Variants in RARB observed in about 807,000 individuals in gnomAD.
RARB encodes the protein HBV-activated protein.
Under a neutral mutation model 51.9 loss-of-function variants are expected in RARB, and 17 were observed. The observed-to-expected ratio is 0.33, with a 90% confidence interval of 0.22 to 0.49. The LOEUF (loss-of-function observed/expected upper bound fraction) is 0.49. Among genes scored for constraint, RARB ranks in the 20% least tolerant of loss-of-function variants. The pLI is 0.99. For synonymous variants in RARB, 215 were observed against 195.4 expected, an observed-to-expected ratio of 1.10 and a Z score of -0.84; for missense variants, 369 against 550.8, an observed-to-expected ratio of 0.67 and a Z score of 3.30.
chr3:24,878,526 C>T (rs1416746893), intron 2 of RARB, among the ~76,000 whole-genome samples: 4 of 152,104 alleles, frequency 2.6e-5, no homozygotes, highest in Non-Finnish European at 2.9e-5. Flanking sequence ...GAGAGTTACT[C>T]TAAAGCAGGA....
chr3:25,193,364 T>C (rs992567687), intron 5 of RARB, among the ~76,000 whole-genome samples: 1 of 151,904 alleles, frequency 6.6e-6, no homozygotes, highest in South Asian at 2.1e-4. Flanking sequence ...GTTAAAAAAA[T>C]TAAAATAAAA....
rs1575094277 is a variant in RARB, at chr3:24,963,820, C to T, written c.-379-96305C>T. Reference sequence around the variant, plus strand: ...TGTCTTCTTTTCCAAAATCAACTTACTTAGGTGCAAACAATATTTGATTAA... The same window carrying T: ...TGTCTTCTTTTCCAAAATCAACTTATTTAGGTGCAAACAATATTTGATTAA... On this transcript the variant is annotated intron_variant, in intron 2 of 11. Transcript: ENST00000383772. 2.6e-5 allele frequency among the ~76,000 whole-genome samples: 4 copies of T among 152,150 alleles called. No individual in the cohort carries two copies. The Middle Eastern group carries it at 0.01, about 388-fold the overall frequency.
intron 2 of RARB, among the ~76,000 whole-genome samples, chr3:24,860,386 T>C (rs1430960760): frequency 6.6e-6 from 1 of 152,206 alleles, no homozygotes; most frequent in Non-Finnish European, 1.5e-5. Context: ...ATGAGAGAGT[T>C]GTCAGCTTGG....
At chr3:25,370,358 T>G (rs1706261084) in intron 5 of RARB, among the ~76,000 whole-genome samples, 1 of 152,152 alleles carries the variant, frequency 6.6e-6, no homozygotes, top group Non-Finnish European at 1.5e-5. Context: ...CTATGCAAAT[T>G]CCATAAGGAA....
chr3:25,492,062 C>G (rs1696768964), intron 2 of RARB, among the ~76,000 whole-genome samples: 1 of 152,226 alleles, frequency 6.6e-6, no homozygotes, highest in Non-Finnish European at 1.5e-5. Context: ...ACATGCCCTG[C>G]CCAGAACACA....
chr3:25,306,063 C>T lies in RARB; in HGVS notation c.178+131488C>T, dbSNP rs140111876. 2.5e-3 allele frequency among the ~76,000 whole-genome samples: 384 copies of T among 152,198 alleles called. 1 individual carries two copies. The highest frequency in any genetic ancestry group is 8.6e-3 in the African/African-American group (355 of 41,520). On this transcript the variant is annotated intron_variant, in intron 5 of 11. Coordinates refer to the RARB transcript ENST00000383772. ...GGTAGTGTTAGCCTGGCCTGTCCTC[C>T]GCTGTATTATAAGTAGCTGTTATCT...
intron 5 of RARB, among the ~76,000 whole-genome samples, chr3:25,260,514 G>A (rs144899669): frequency 6.6e-6 from 1 of 152,148 alleles, no homozygotes; most frequent in African/African-American, 2.4e-5. Flanking sequence ...GGGACCCACT[G>A]AGTTCTTAAT....
At chr3:24,972,530 G>A (rs1696423321) in intron 2 of RARB, among the ~76,000 whole-genome samples, 1 of 151,920 alleles carries the variant, frequency 6.6e-6, no homozygotes, top group African/African-American at 2.4e-5. Context: ...AGTTCATGTG[G>A]TAGTTATATT....
At chr3:25,169,591 A>T (rs956802132) in intron 4 of RARB, among the ~76,000 whole-genome samples, 1 of 152,212 alleles carries the variant, frequency 6.6e-6, no homozygotes, top group African/African-American at 2.4e-5. Flanking sequence ...TTTTATTTTT[A>T]AAATTGTGAT....
intron 5 of RARB, among the ~76,000 whole-genome samples, chr3:25,225,712 A>C (rs926693440): frequency 9.2e-5 from 14 of 152,204 alleles, no homozygotes; most frequent in Non-Finnish European, 1.8e-4. Context: ...ACACAGGTAC[A>C]CTCACATATA....
chr3:24,945,284 T>C (rs1695750005), intron 2 of RARB, among the ~76,000 whole-genome samples: 1 of 152,174 alleles, frequency 6.6e-6, no homozygotes. Flanking sequence ...CATAATCTTT[T>C]TTTCTCTCCC....
At chr3:25,314,493 C>T (rs78998540) in intron 5 of RARB, among the ~76,000 whole-genome samples, 1 of 152,076 alleles carries the variant, frequency 6.6e-6, no homozygotes, top group South Asian at 2.1e-4. Flanking sequence ...TCTTGTGTTG[C>T]AACCAATGAG....
At chr3:25,162,172 A>G (rs1196305853) in intron 4 of RARB, among the ~76,000 whole-genome samples, 4 of 152,152 alleles carry the variant, frequency 2.6e-5, no homozygotes, top group East Asian at 1.9e-4. Flanking sequence ...TGGTGTGATC[A>G]TAGCTCATGC....
At chr3:25,546,231 T>A (rs558189234) in intron 3 of RARB, among the ~76,000 whole-genome samples, 1 of 152,266 alleles carries the variant, frequency 6.6e-6, no homozygotes, top group South Asian at 2.1e-4. Flanking sequence ...ACATGGGCTT[T>A]GTAAGGCTGT....
chr3:24,905,155 C>A (rs1363966434), intron 2 of RARB, among the ~76,000 whole-genome samples: 1 of 152,060 alleles, frequency 6.6e-6, no homozygotes, highest in Non-Finnish European at 1.5e-5. Flanking sequence ...ATAACCAAAG[C>A]CTTTACCACA....
chr3:25,039,161 C>G (rs1698062383), intron 2 of RARB, among the ~76,000 whole-genome samples: 1 of 152,168 alleles, frequency 6.6e-6, no homozygotes, highest in Admixed American at 6.6e-5. Flanking sequence ...AATGTGATCA[C>G]ATATCCTATT....
At chr3:25,344,538 G>A (rs558471300) in intron 5 of RARB, among the ~76,000 whole-genome samples, 1 of 152,196 alleles carries the variant, frequency 6.6e-6, no homozygotes. Flanking sequence ...GAAGTGCTCA[G>A]TTTGGTATTT....
chr3:24,905,272 A>G (rs752835164), intron 2 of RARB, among the ~76,000 whole-genome samples: 10 of 152,200 alleles, frequency 6.6e-5, no homozygotes, highest in Admixed American at 2.0e-4. Flanking sequence ...GGTAGTTTCA[A>G]ATGTGATGAC....
intron 2 of RARB, among the ~76,000 whole-genome samples, chr3:24,959,992 A>T (rs926438865): frequency 2.6e-5 from 4 of 152,224 alleles, no homozygotes; most frequent in African/African-American, 9.6e-5. Flanking sequence ...AGTCCATCCA[A>T]TCCCAAGACA....
Sources: gnomAD v4.1 joint callset for allele counts (sites outside exome capture counted in the v4.1 genomes callset) on GRCh38, gnomAD v4.1.1 for gene constraint, MANE v1.5 for transcripts, NCBI Gene and HGNC (gene_info 2026-07-23, HGNC 2026-07-21) for gene names.